The following RHBDL3 variants were observed in gnomAD, a reference collection of about 807,000 sequenced individuals.
RHBDL3 encodes the protein rhomboid like 3, also known as rhomboid-related protein 3.
RHBDL3 carries 28 observed loss-of-function variants against 48.2 expected under a neutral mutation model. The ratio of observed to expected loss-of-function variants is 0.58; its 90% CI spans 0.43 to 0.80. The LOEUF is 0.80. Among genes scored for constraint, RHBDL3 ranks in the 30% least tolerant of loss-of-function variants. RHBDL3 has a pLI of 0.00. For synonymous variants in RHBDL3, 208 were observed against 232.3 expected (o/e 0.90, Z 0.95); for missense variants, 464 against 542.7 (o/e 0.85, Z 1.44).
chr17:32,276,232 G>A (rs1327955948), intron 2 of RHBDL3, among the ~76,000 whole-genome samples: 1 of 151,878 alleles, frequency 6.6e-6, no homozygotes, highest in Admixed American at 6.6e-5. Flanking sequence ...TTACTCTAGG[G>A]TTGGCATGAG....
In RHBDL3 at chr17:32,321,226, C is replaced by A. The variant is rs192685079; in HGVS notation, c.1212C>A (p.Pro404=). Residue 404 remains proline, a synonymous_variant, in exon 9 of 9, where the codon CCC becomes CCA. Transcript: ENST00000269051. ...TGGACTTAAAGCTGCCGCCTCCCCC[C>A]TGAGGGCTGGAGGCCCAAGGTCGGG... ...TLLDLKLPPP[P] The A allele has an allele frequency of 1.9e-6, 3 of 1,614,222 alleles. No homozygotes were observed. The highest frequency in any genetic ancestry group is 1.7e-6 in the Non-Finnish European group (2 of 1,180,034).
chr17:32,284,879 A>C, intron 3 of RHBDL3, 62 bp downstream of exon 3: 2 of 1,407,374 alleles, frequency 1.4e-6, no homozygotes, highest in Middle Eastern at 1.8e-4. Flanking sequence ...GCTTCCACAC[A>C]TTTAAAGGAT....
rs2041140195 is a variant in RHBDL3 at position 32,321,796 on chromosome 17, T to C, written c.*567T>C. The C allele has an allele frequency of 4.9e-6, 1 of 203,292 alleles. No homozygotes were observed. The highest frequency in any genetic ancestry group is 5.3e-5 in the Admixed American group (1 of 18,980). The allele number at this position is 203,292 out of a possible 1,614,324, so 12.6% of individuals were successfully genotyped here. On this transcript the variant is annotated 3_prime_UTR_variant, in exon 9 of 9. Coordinates refer to ENST00000269051, the MANE Select transcript of RHBDL3 (RefSeq NM_138328.3). ...CAGGGTGCCCTCCTGGGCTGGTTGG[T>C]GTGCACCGGGGCATGATCTGTTGTG...
intron 7 of RHBDL3, among the ~76,000 whole-genome samples, chr17:32,306,070 T>G (rs1416708296): frequency 6.6e-6 from 1 of 152,190 alleles, no homozygotes; most frequent in Admixed American, 6.5e-5. Flanking sequence ...TTGTCCAAAG[T>G]CACAGTCAAG....
chr17:32,309,143 T>C (rs2040779087), intron 7 of RHBDL3, among the ~76,000 whole-genome samples: 3 of 151,978 alleles, frequency 2.0e-5, no homozygotes, highest in Admixed American at 1.3e-4. Flanking sequence ...ACCTAATAGA[T>C]ATACTATTGT....
intron 2 of RHBDL3, among the ~76,000 whole-genome samples, chr17:32,281,627 A>G (rs116442728): frequency 0.018 from 2,702 of 152,222 alleles, 88 homozygotes; most frequent in African/African-American, 0.061. Flanking sequence ...GGTGGCTTGT[A>G]GAGATGGGAG....
chr17:32,310,669 T>C (rs141143485), intron 7 of RHBDL3, among the ~76,000 whole-genome samples: 2 of 105,860 alleles, frequency 1.9e-5, no homozygotes, highest in Admixed American at 9.6e-5. Context: ...GCCAAGATCG[T>C]GCCACTGCAC....
intron 6 of RHBDL3, among the ~76,000 whole-genome samples, chr17:32,301,165 C>G (rs2040573860): frequency 6.6e-6 from 1 of 151,772 alleles, no homozygotes; most frequent in Non-Finnish European, 1.5e-5. Context: ...CAGGCGTGAG[C>G]CACTGCGCCT....
chr17:32,303,215 G>A (rs2040627095), intron 6 of RHBDL3, among the ~76,000 whole-genome samples: 1 of 152,218 alleles, frequency 6.6e-6, no homozygotes, highest in South Asian at 2.1e-4. Flanking sequence ...CTCTGCCTTG[G>A]TGGACCGTGC....
intron 2 of RHBDL3, among the ~76,000 whole-genome samples, chr17:32,274,579 A>C (rs2039849985): frequency 2.0e-5 from 3 of 152,184 alleles, no homozygotes; most frequent in Non-Finnish European, 4.4e-5. Flanking sequence ...CAAAAGAGGA[A>C]ACTGGCTAGG....
chr17:32,277,901 T>C (rs1260727851), intron 2 of RHBDL3, among the ~76,000 whole-genome samples: 3 of 152,244 alleles, frequency 2.0e-5, no homozygotes, highest in African/African-American at 7.2e-5. Context: ...CTTGATATGG[T>C]GCGTTATGAC....
At chr17:32,304,987 G>A (rs2040673326) in intron 6 of RHBDL3, among the ~76,000 whole-genome samples, 3 of 152,138 alleles carry the variant, frequency 2.0e-5, no homozygotes, top group Admixed American at 2.0e-4. Context: ...TGGGCATTGT[G>A]GCGCACGACT....
At chr17:32,306,315 T>G (rs2040709907) in intron 7 of RHBDL3, among the ~76,000 whole-genome samples, 3 of 152,062 alleles carry the variant, frequency 2.0e-5, no homozygotes. Flanking sequence ...TCCCAGCTAC[T>G]TGGGAGGCTG....
chr17:32,300,050 T>C (rs1231589435), intron 6 of RHBDL3, among the ~76,000 whole-genome samples: 1 of 152,156 alleles, frequency 6.6e-6, no homozygotes, highest in African/African-American at 2.4e-5. Flanking sequence ...ACAGCAACGC[T>C]ACGAGGTGGG....
At position 32,288,907 on chromosome 17, in the gene RHBDL3, G is replaced by A. The variant is rs769560297; in HGVS notation, c.410G>A (p.Arg137His). 5 of 1,614,078 alleles carry A rather than the reference G, an allele frequency of 3.1e-6. No homozygotes were observed. Among genetic ancestry groups the A allele is most frequent in the East Asian group, 2.2e-5 (1 of 44,896 alleles). Reference protein sequence around the residue: ...KGLSLSQRLIRHVAYETLPRE... With the variant: ...KGLSLSQRLIHHVAYETLPRE... ...CTGAGCCTCTCGCAGCGACTTATCC[G>A]CCATGTGGCCTATGAGACCCTGCCC... Residue 137 changes from arginine to histidine, a missense_variant, in exon 4 of 9, where the codon CGC becomes CAC. Transcript: ENST00000269051.
chr17:32,315,563 G>A (rs964765284), intron 7 of RHBDL3, among the ~76,000 whole-genome samples: 2 of 152,178 alleles, frequency 1.3e-5, no homozygotes, highest in African/African-American at 2.4e-5. Flanking sequence ...CATCCTTTCC[G>A]AGTGATGTGA....
intron 7 of RHBDL3, among the ~76,000 whole-genome samples, chr17:32,315,126 C>T (rs2040940386): frequency 6.6e-6 from 1 of 152,202 alleles, no homozygotes; most frequent in African/African-American, 2.4e-5. Flanking sequence ...GTGTCCATGC[C>T]AGTGTTCAGG....
intron 2 of RHBDL3, among the ~76,000 whole-genome samples, chr17:32,274,641 G>A (rs12185222): frequency 0.34 from 51,294 of 151,972 alleles, 9,260 homozygotes; most frequent in African/African-American, 0.47. Context: ...GAGAGGGGAG[G>A]ATGGTTTGCT....
intron 2 of RHBDL3, among the ~76,000 whole-genome samples, chr17:32,275,729 C>A (rs7218642): frequency 6.6e-6 from 1 of 151,982 alleles, no homozygotes; most frequent in African/African-American, 2.4e-5. Flanking sequence ...AAGGGGGATG[C>A]TCAGGAGGCT....
Sources: allele counts gnomAD v4.1 joint callset (sites outside exome capture counted in the v4.1 genomes callset), GRCh38; gene constraint gnomAD v4.1.1; transcripts MANE v1.5; gene names NCBI Gene and HGNC (gene_info 2026-07-23, HGNC 2026-07-21).